The following CAMKMT variants were observed in gnomAD, a reference collection of about 807,000 sequenced individuals.
CAMKMT encodes calmodulin-lysine N-methyltransferase, also known as CaM KMT.
In CAMKMT, 53 loss-of-function variants were observed where a neutral mutation model predicts 48.0. The observed-to-expected ratio is 1.10, with a 90% CI of 0.89 to 1.39. CAMKMT has a LOEUF of 1.39. CAMKMT is among the 40% of genes most tolerant of loss of function. The probability of loss-of-function intolerance (pLI) is 0.00; values close to 1 mark genes in which losing one functional copy is unlikely to be tolerated. For missense variants in CAMKMT, 428 were observed against 402.7 expected (o/e 1.06, Z -0.54); for synonymous variants, 165 against 152.3 (o/e 1.08, Z -0.61).
chr2:44,612,371 A>G (rs1389294397), intron 3 of CAMKMT, among the ~76,000 whole-genome samples: 2 of 152,202 alleles, frequency 1.3e-5, no homozygotes, highest in African/African-American at 4.8e-5. Flanking sequence ...TAAAGATAGC[A>G]TCACACTCAT....
intron 3 of CAMKMT, among the ~76,000 whole-genome samples, chr2:44,590,317 G>T (rs1003753421): frequency 3.9e-5 from 6 of 152,158 alleles, no homozygotes; most frequent in African/African-American, 9.7e-5. Flanking sequence ...TTCTCAAAGA[G>T]TTTGAGAAAG....
At chr2:44,493,210 A>G (rs1669597665) in intron 3 of CAMKMT, among the ~76,000 whole-genome samples, 2 of 152,038 alleles carry the variant, frequency 1.3e-5, no homozygotes, top group Admixed American at 1.3e-4. Flanking sequence ...ATTTTGCTCT[A>G]TTAAGCACTG....
chr2:44,642,043 G>A (rs959104767), intron 3 of CAMKMT, among the ~76,000 whole-genome samples: 2 of 152,122 alleles, frequency 1.3e-5, no homozygotes, highest in Non-Finnish European at 2.9e-5. Context: ...GGCTTGTATT[G>A]TTTCCAGACC....
chr2:44,751,749 G>T (rs1680162742), intron 8 of CAMKMT, among the ~76,000 whole-genome samples: 3 of 152,302 alleles, frequency 2.0e-5, no homozygotes, highest in Non-Finnish European at 4.4e-5. Context: ...TACACCTGAA[G>T]CTAGGTAATT....
At chr2:44,716,607 G>A (rs926760790) in intron 7 of CAMKMT, among the ~76,000 whole-genome samples, 11 of 152,128 alleles carry the variant, frequency 7.2e-5, no homozygotes, top group African/African-American at 2.2e-4. Context: ...CAGAAAACCT[G>A]GGGTAGGTTG....
chr2:44,374,117 CAAAAAAAAAAAA>C (rs59922847), intron 2 of CAMKMT, among the ~76,000 whole-genome samples: 1 of 66,390 alleles, frequency 1.5e-5, no homozygotes. Context: ...GACTCTGCCT[CAAAAAAAAAAAA>C]AAAAAAAAAA....
At chr2:44,577,887 C>G (rs1669320820) in intron 3 of CAMKMT, among the ~76,000 whole-genome samples, 1 of 152,194 alleles carries the variant, frequency 6.6e-6, no homozygotes, top group Admixed American at 6.5e-5. Flanking sequence ...CTCCTAGTGA[C>G]TCCCCTAGGA....
intron 3 of CAMKMT, among the ~76,000 whole-genome samples, chr2:44,666,612 CTTT>C (rs1293884982): frequency 6.0e-5 from 8 of 133,948 alleles, no homozygotes; most frequent in East Asian, 2.1e-4. Flanking sequence ...CTCCTGGAAT[CTTT>C]TTTTTTTTTT....
intron 3 of CAMKMT, among the ~76,000 whole-genome samples, chr2:44,628,719 A>G (rs563825634): frequency 1.3e-5 from 2 of 152,194 alleles, no homozygotes; most frequent in South Asian, 2.1e-4. Flanking sequence ...GATATGCTAT[A>G]TTTTAATTTG....
chr2:44,526,278 G>A (rs914858252), intron 3 of CAMKMT, among the ~76,000 whole-genome samples: 3 of 152,138 alleles, frequency 2.0e-5, no homozygotes, highest in African/African-American at 7.2e-5. Flanking sequence ...AATGTATAAT[G>A]CTAAGAGCAT....
chr2:44,760,085 G>C lies in CAMKMT; in HGVS notation c.762+5967G>C, dbSNP rs78779933. Among the ~76,000 whole-genome samples the C allele has an allele frequency of 6.7e-3, 1,013 of 152,192 alleles. 19 individuals carry two copies. In the East Asian group the frequency reaches 0.073, roughly 11 times the overall value. ...AATGAATATGCACTAGGAGCACTGT[G>C]GGAATCTCATAGTTTAGCAGGACAG... On this transcript the variant is annotated intron_variant, in intron 9 of 10. Transcript: ENST00000378494.
chr2:44,470,809 G>T (rs748270629), intron 3 of CAMKMT, among the ~76,000 whole-genome samples: 1 of 151,934 alleles, frequency 6.6e-6, no homozygotes, highest in Non-Finnish European at 1.5e-5. Flanking sequence ...GATTACTTAT[G>T]AGATTAACCA....
chr2:44,643,688 G>GA (rs1454838485), intron 3 of CAMKMT, among the ~76,000 whole-genome samples: 2 of 152,074 alleles, frequency 1.3e-5, no homozygotes, highest in African/African-American at 4.8e-5. Context: ...ATTTTTCTCA[G>GA]AAAAAAATTA....
At chr2:44,469,333 G>C (rs768626721) in intron 3 of CAMKMT, among the ~76,000 whole-genome samples, 8 of 139,030 alleles carry the variant, frequency 5.8e-5, no homozygotes, top group Non-Finnish European at 1.1e-4. Flanking sequence ...TTTGGCTGTT[G>C]AATCTTATTA....
At chr2:44,448,700 TTATG>T (rs1173735483) in intron 3 of CAMKMT, among the ~76,000 whole-genome samples, 2 of 152,194 alleles carry the variant, frequency 1.3e-5, no homozygotes, top group African/African-American at 4.8e-5. Context: ...TCACTAATGA[TTATG>T]TATATGCGTA....
intron 3 of CAMKMT, among the ~76,000 whole-genome samples, chr2:44,474,813 C>G (rs1256991936): frequency 6.6e-6 from 1 of 152,172 alleles, no homozygotes; most frequent in African/African-American, 2.4e-5. Flanking sequence ...TGGAAACCCT[C>G]TATGCTGCAA....
At chr2:44,523,166 G>A (rs1671209180) in intron 3 of CAMKMT, among the ~76,000 whole-genome samples, 1 of 151,868 alleles carries the variant, frequency 6.6e-6, no homozygotes, top group Admixed American at 6.6e-5. Flanking sequence ...TATTAATTGT[G>A]TAAAGTCACA....
chr2:44,769,610 A>G (rs888190628), intron 10 of CAMKMT, among the ~76,000 whole-genome samples: 30 of 152,038 alleles, frequency 2.0e-4, no homozygotes, highest in African/African-American at 6.5e-4. Flanking sequence ...ACTCTCATTC[A>G]TGCAAATGTT....
At chr2:44,729,737 GAAGA>G (rs1678980750) in intron 7 of CAMKMT, among the ~76,000 whole-genome samples, 1 of 152,158 alleles carries the variant, frequency 6.6e-6, no homozygotes, top group Non-Finnish European at 1.5e-5. Flanking sequence ...AAAGAAGAAA[GAAGA>G]AAGAAGTGGA....
Sources: allele counts gnomAD v4.1 joint callset (sites outside exome capture counted in the v4.1 genomes callset), GRCh38; gene constraint gnomAD v4.1.1; transcripts MANE v1.5; gene names NCBI Gene and HGNC (gene_info 2026-07-23, HGNC 2026-07-21).